MPPED2: variants seen among roughly 807,000 people sequenced by gnomAD.
MPPED2 encodes metallophosphoesterase domain containing 2, also known as metallophosphoesterase MPPED2.
MPPED2 carries 5 observed loss-of-function variants against 33.0 expected under a neutral mutation model. The ratio of observed to expected loss-of-function variants is 0.15; its 90% CI spans 0.08 to 0.32. The LOEUF is 0.32. Ranked by LOEUF, MPPED2 falls within the 10% of genes least tolerant of loss-of-function variation. MPPED2 has a pLI of 1.00. For synonymous variants in MPPED2, 136 were observed against 141.9 expected, an observed-to-expected ratio of 0.96 and a Z score of 0.29; for missense variants, 275 against 372.1, an observed-to-expected ratio of 0.74 and a Z score of 2.15.
intron 4 of MPPED2, among the ~76,000 whole-genome samples, chr11:30,493,380 A>G (rs1232048016): frequency 6.6e-6 from 1 of 151,932 alleles, no homozygotes; most frequent in Non-Finnish European, 1.5e-5. Flanking sequence ...CAAAAAAAAA[A>G]AAAAAAAGAA....
chr11:30,480,127 G>A (rs1003481523), intron 4 of MPPED2, among the ~76,000 whole-genome samples: 1 of 152,074 alleles, frequency 6.6e-6, no homozygotes, highest in Non-Finnish European at 1.5e-5. Flanking sequence ...GAAGCTTCTC[G>A]TGTTTGGGGT....
chr11:30,443,853 G>C (rs1949688946), intron 4 of MPPED2, among the ~76,000 whole-genome samples: 1 of 152,180 alleles, frequency 6.6e-6, no homozygotes, highest in Non-Finnish European at 1.5e-5. Context: ...CTTAAGCAGA[G>C]ATGAACCCAC....
intron 4 of MPPED2, among the ~76,000 whole-genome samples, chr11:30,474,508 G>T (rs1408597962): frequency 2.0e-5 from 3 of 152,106 alleles, no homozygotes; most frequent in Non-Finnish European, 2.9e-5. Flanking sequence ...ACCCTGCCTG[G>T]CTTGGGAAGG....
exon 7 of MPPED2, chr11:30,385,705 C>T (rs1947694899): frequency 1.3e-5 from 2 of 152,160 alleles, no homozygotes; most frequent in South Asian, 4.1e-4. Flanking sequence ...CTATACTGGC[C>T]TTTTTGCTAC....
At chr11:30,424,457 AT>A (rs1948744830) in intron 4 of MPPED2, among the ~76,000 whole-genome samples, 1 of 152,144 alleles carries the variant, frequency 6.6e-6, no homozygotes, top group Admixed American at 6.5e-5. Flanking sequence ...AGAGAAGCTA[AT>A]TTAACCACCG....
At chr11:30,464,416 A>G (rs1254657678) in intron 4 of MPPED2, among the ~76,000 whole-genome samples, 1 of 152,188 alleles carries the variant, frequency 6.6e-6, no homozygotes, top group Non-Finnish European at 1.5e-5. Context: ...TGATAACACT[A>G]CATTGAAAAC....
At chr11:30,486,539 C>T (rs530134320) in intron 4 of MPPED2, among the ~76,000 whole-genome samples, 75 of 152,292 alleles carry the variant, frequency 4.9e-4, no homozygotes, top group African/African-American at 1.8e-3. Context: ...CTTGAAGCGA[C>T]GGTCTCTGTA....
intron 2 of MPPED2, among the ~76,000 whole-genome samples, chr11:30,554,572 C>T (rs909001886): frequency 2.7e-5 from 4 of 147,788 alleles, no homozygotes; most frequent in African/African-American, 1.0e-4. Flanking sequence ...TCAGCTGCAA[C>T]CTCTGCCTCT....
chr11:30,449,690 C>A (rs1043069659), intron 4 of MPPED2, among the ~76,000 whole-genome samples: 3 of 152,128 alleles, frequency 2.0e-5, no homozygotes, highest in African/African-American at 7.2e-5. Context: ...TCTGTTCTCC[C>A]CTTTTCTGCC....
chr11:30,509,217 A>T (rs762809256), intron 3 of MPPED2, among the ~76,000 whole-genome samples: 1 of 152,226 alleles, frequency 6.6e-6, no homozygotes, highest in Non-Finnish European at 1.5e-5. Context: ...AGGGCAAAGA[A>T]GTTGGCCCAC....
chr11:30,512,771 C>T lies in MPPED2; in HGVS notation c.311-17250G>A, dbSNP rs534457836. Among the ~76,000 whole-genome samples, 24 of 152,252 alleles carry T rather than the reference C, an allele frequency of 1.6e-4. No homozygotes were observed. In the South Asian group the frequency reaches 3.7e-3, roughly 24 times the overall value. The stretch of plus-strand genomic sequence containing the variant: ...ATCCCAGCACTTTGGAAGGTGGAGG[C>T]GGGCTGATCACCCAAGGTCAGGAGT... On this transcript the variant is annotated intron_variant, in intron 3 of 6. Coordinates refer to ENST00000358117, the MANE Select transcript of MPPED2 (RefSeq NM_001584.3).
chr11:30,525,569 A>G (rs563908358), intron 3 of MPPED2, among the ~76,000 whole-genome samples: 103 of 152,248 alleles, frequency 6.8e-4, no homozygotes, highest in Non-Finnish European at 1.2e-3. Context: ...GGGAGATTTC[A>G]GGAAAGGAGA....
At chr11:30,500,405 AG>A (rs1160386307) in intron 3 of MPPED2, among the ~76,000 whole-genome samples, 20 of 152,182 alleles carry the variant, frequency 1.3e-4, no homozygotes, top group African/African-American at 3.1e-4. Context: ...AGTATGTAAT[AG>A]TTTCTTACTG....
intron 2 of MPPED2, among the ~76,000 whole-genome samples, chr11:30,555,979 C>A (rs1398432375): frequency 2.0e-5 from 3 of 152,062 alleles, no homozygotes; most frequent in African/African-American, 4.8e-5. Context: ...TAGAGAAAAT[C>A]TTTTCCTTCT....
At chr11:30,549,318 A>G (rs1013726247) in intron 2 of MPPED2, among the ~76,000 whole-genome samples, 1 of 152,114 alleles carries the variant, frequency 6.6e-6, no homozygotes, top group Non-Finnish European at 1.5e-5. Context: ...TTTCCAATCA[A>G]TTGCTTTCTT....
intron 4 of MPPED2, among the ~76,000 whole-genome samples, chr11:30,439,061 T>A (rs1949447060): frequency 6.6e-6 from 1 of 152,108 alleles, no homozygotes; most frequent in Non-Finnish European, 1.5e-5. Flanking sequence ...AGATGTGGAA[T>A]TTGGTGGAAG....
intron 6 of MPPED2, chr11:30,388,991 G>C: frequency 6.5e-7 from 1 of 1,535,014 alleles, no homozygotes; most frequent in Middle Eastern, 1.8e-4. Context: ...GAGGGAGAGA[G>C]AGAGAGAGAT....
At chr11:30,473,724 C>A (rs1041034438) in intron 4 of MPPED2, among the ~76,000 whole-genome samples, 1 of 152,206 alleles carries the variant, frequency 6.6e-6, no homozygotes, top group Non-Finnish European at 1.5e-5. Flanking sequence ...CTTCCTGCAT[C>A]TTTCTGCTCC....
chr11:30,447,561 T>C (rs1404415743), intron 4 of MPPED2, among the ~76,000 whole-genome samples: 1 of 151,932 alleles, frequency 6.6e-6, no homozygotes, highest in Non-Finnish European at 1.5e-5. Flanking sequence ...AAGTGTGGGG[T>C]GTCAAGAAGC....
Sources: allele counts gnomAD v4.1 joint callset (sites outside exome capture counted in the v4.1 genomes callset), GRCh38; gene constraint gnomAD v4.1.1; transcripts MANE v1.5; gene names NCBI Gene and HGNC (gene_info 2026-07-23, HGNC 2026-07-21).